Variants in USP33 observed in about 807,000 individuals in gnomAD.
USP33 encodes ubiquitin carboxyl-terminal hydrolase 33.
A neutral mutation model predicts 124.2 loss-of-function variants in USP33; 46 were observed. The observed-to-expected ratio is 0.37, with a 90% CI of 0.29 to 0.47. The LOEUF (loss-of-function observed/expected upper bound fraction) is 0.47. USP33 is among the 20% of genes least tolerant of loss of function. USP33 has a pLI of 0.99. For missense variants in USP33, 851 were observed against 1,070.6 expected (o/e 0.79, Z 2.86); for synonymous variants, 350 against 352.3 (o/e 0.99, Z 0.07).
At chr1:77,737,095 C>A (rs1005048149) in intron 5 of USP33, among the ~76,000 whole-genome samples, 1 of 150,418 alleles carries the variant, frequency 6.6e-6, no homozygotes, top group Admixed American at 6.6e-5. Flanking sequence ...TCGGAGACGA[C>A]AAATAAAAAT....
At chr1:77,722,531 T>C (rs1439249662) in intron 12 of USP33, 1 of 162,478 alleles carries the variant, frequency 6.2e-6, no homozygotes, top group Non-Finnish European at 1.3e-5. Context: ...CACTATTGTA[T>C]TTATTTTTGA....
chr1:77,754,446 A>G (rs1394488358), intron 1 of USP33, among the ~76,000 whole-genome samples: 2 of 152,242 alleles, frequency 1.3e-5, no homozygotes, highest in Non-Finnish European at 1.5e-5. Context: ...AACAACAAGC[A>G]GAAAAGTTTA....
intron 11 of USP33, 121 bp downstream of exon 11, chr1:77,725,501 C>T (rs1019346773): frequency 7.4e-7 from 1 of 1,347,406 alleles, no homozygotes; most frequent in Middle Eastern, 2.0e-4. Flanking sequence ...TAAAATTATG[C>T]TATCAATTTT....
chr1:77,722,087 C>G lies in USP33; in HGVS notation c.1499G>C (p.Gly500Ala). ...SSHPTSIVKA[G>A]SCGEAYAPQG... ...TGGAGCATATGCTTCGCCACATGATCCTGCTTTGACTATAGAAGTTGGATG... is the reference window on the plus strand; with the variant it reads ...TGGAGCATATGCTTCGCCACATGATGCTGCTTTGACTATAGAAGTTGGATG... The change falls in exon 13 of 24, where the codon GGA (glycine) becomes GCA (alanine). Residue 500 changes from glycine (G) to alanine (A), a missense_variant. By Grantham distance (60) the Gly-to-Ala change is moderately conservative (BLOSUM62 0). Coordinates refer to ENST00000370794, the MANE Select transcript of USP33 (RefSeq NM_201624.3). 6.2e-7 allele frequency: 1 copy of G among 1,614,052 alleles called. No homozygotes were observed. Among genetic ancestry groups the G allele is most frequent in the East Asian group, 2.2e-5 (1 of 44,870 alleles).
At position 77,730,683 on chromosome 1, in the gene USP33, T is replaced by G; in HGVS notation, c.573A>C (p.Thr191=). ...FFLDCGGLAR[T]DKKPAICKSY... is the part of the protein sequence containing the mutation. ...TTTTACAAATGGCAGGTTTCTTATC[T>G]GTTCGAGCTAGTCCTCCACAATCAA... Residue 191 remains threonine, a synonymous_variant, in exon 8 of 24, where the codon ACA becomes ACC. Transcript: ENST00000370794. 2 of 1,598,270 alleles carry G rather than the reference T, an allele frequency of 1.3e-6. No homozygotes were observed. Among genetic ancestry groups the G allele is most frequent in the Non-Finnish European group, 1.7e-6 (2 of 1,171,068 alleles).
chr1:77,747,415 T>G (rs1679856078), intron 1 of USP33, among the ~76,000 whole-genome samples: 1 of 151,992 alleles, frequency 6.6e-6, no homozygotes, highest in Admixed American at 6.6e-5. Context: ...CCACCCCACC[T>G]GGCTAATTTT....
rs375291112 is a variant in USP33 at position 77,737,172 on chromosome 1, CCAAA to C, written c.352-1018_352-1015del. 4.6e-5 allele frequency among the ~76,000 whole-genome samples: 7 copies of C among 152,110 alleles called. No individual in the cohort carries two copies. The East Asian group carries it at 5.8e-4, about 13-fold the overall frequency. On this transcript the variant is annotated intron_variant, in intron 5 of 23. Coordinates refer to ENST00000370794, the MANE Select transcript of USP33 (RefSeq NM_201624.3). The stretch of plus-strand genomic sequence containing the variant: ...ACAATGAACCAACATTCAGCAACAC[CCAAA>C]CAGAGAAGGAAACTGAATAGCAGAA...
At chr1:77,714,399 C>G (rs1338851102) in intron 19 of USP33, among the ~76,000 whole-genome samples, 1 of 152,074 alleles carries the variant, frequency 6.6e-6, no homozygotes, top group Non-Finnish European at 1.5e-5. Flanking sequence ...AAAGCATGTA[C>G]TCAGTAAATA....
intron 21 of USP33, among the ~76,000 whole-genome samples, chr1:77,703,364 A>T (rs887120591): frequency 6.6e-6 from 1 of 152,200 alleles, no homozygotes; most frequent in Non-Finnish European, 1.5e-5. Flanking sequence ...GCAGTGGCTC[A>T]CGCCTGTAAT....
chr1:77,726,633 G>T (rs1440085970), intron 10 of USP33, among the ~76,000 whole-genome samples: 2 of 140,308 alleles, frequency 1.4e-5, no homozygotes, highest in Non-Finnish European at 3.0e-5. Flanking sequence ...GTGACAGAAT[G>T]AGACCCTGTT....
At chr1:77,718,183 T>A in intron 16 of USP33, 136 bp from the exon 17 acceptor site, 1 of 771,592 alleles carries the variant, frequency 1.3e-6, no homozygotes. Context: ...TATGAAGTTA[T>A]TTAGATTTTT....
intron 7 of USP33, among the ~76,000 whole-genome samples, chr1:77,733,318 C>T (rs1411655982): frequency 6.6e-6 from 1 of 151,576 alleles, no homozygotes; most frequent in Non-Finnish European, 1.5e-5. Context: ...CACACAAACC[C>T]GGGAGGCAGA....
At chr1:77,732,491 T>C (rs1409835273) in intron 7 of USP33, among the ~76,000 whole-genome samples, 1 of 152,204 alleles carries the variant, frequency 6.6e-6, no homozygotes, top group East Asian at 1.9e-4. Flanking sequence ...ACAGTAATAT[T>C]TTAAAAATAT....
intron 16 of USP33, 33 bp downstream of exon 16, chr1:77,718,563 A>T: frequency 6.6e-7 from 1 of 1,512,576 alleles, no homozygotes; most frequent in Middle Eastern, 1.7e-4. Flanking sequence ...TTCCTACCAC[A>T]CAATATAAGT....
At chr1:77,707,364 C>G (rs1345932288) in intron 21 of USP33, among the ~76,000 whole-genome samples, 1 of 152,140 alleles carries the variant, frequency 6.6e-6, no homozygotes, top group Non-Finnish European at 1.5e-5. Flanking sequence ...CCTCCATCTT[C>G]ATGATTTTCA....
intron 14 of USP33, chr1:77,721,623 A>G (rs1676570540): frequency 1.8e-6 from 1 of 541,362 alleles, no homozygotes; most frequent in Non-Finnish European, 3.2e-6. Flanking sequence ...TTTGTCTTAT[A>G]CTACAGGAAT....
chr1:77,735,485 A>G (rs1678335589), intron 6 of USP33, among the ~76,000 whole-genome samples: 1 of 152,252 alleles, frequency 6.6e-6, no homozygotes, highest in South Asian at 2.1e-4. Flanking sequence ...TAAAATATTT[A>G]TAACTTATCT....
chr1:77,728,143 C>A, intron 10 of USP33, 152 bp downstream of exon 10: 1 of 786,338 alleles, frequency 1.3e-6, no homozygotes. Context: ...TTCCTTTTAT[C>A]CTCGGGTTCT....
chr1:77,721,822 A>G lies in USP33; in HGVS notation c.1657+9T>C. 3.1e-6 allele frequency: 5 copies of G among 1,600,406 alleles called. No homozygotes were observed. Among genetic ancestry groups the G allele is most frequent in the Non-Finnish European group, 4.3e-6 (5 of 1,176,100 alleles). ...ACAAAAATTTAGCCATAGATATTAT[A>G]TTTCTTACCTTTTAGTTCATCTCTG... On this transcript the variant is annotated intron_variant, in intron 14 of 23. Transcript: ENST00000370794.
Sources: allele counts gnomAD v4.1 joint callset (sites outside exome capture counted in the v4.1 genomes callset), GRCh38; gene constraint gnomAD v4.1.1; transcripts MANE v1.5; gene names NCBI Gene and HGNC (gene_info 2026-07-23, HGNC 2026-07-21).